Variants in WRN observed in about 807,000 individuals in gnomAD.
WRN encodes WRN RecQ like helicase.
WRN carries 149 observed loss-of-function variants against 180.7 expected under a neutral mutation model. That is an observed-to-expected ratio of 0.82 (90% CI 0.72 to 0.94). The LOEUF (loss-of-function observed/expected upper bound fraction) is 0.94. Among genes scored for constraint, WRN ranks in the 40% least tolerant of loss-of-function variants. WRN has a pLI of 0.00. For synonymous variants in WRN, 548 were observed against 568.9 expected, an observed-to-expected ratio of 0.96 and a Z score of 0.52; for missense variants, 1,661 against 1,700.1, an observed-to-expected ratio of 0.98 and a Z score of 0.40.
chr8:31,042,934 AAGTC>A (rs1366876139), intron 1 of WRN, among the ~76,000 whole-genome samples: 1 of 152,212 alleles, frequency 6.6e-6, no homozygotes, highest in Non-Finnish European at 1.5e-5. Flanking sequence ...AGTCTTCAAA[AAGTC>A]AGATCAAGAA....
intron 18 of WRN, among the ~76,000 whole-genome samples, chr8:31,101,270 A>T (rs958398570): frequency 2.0e-5 from 3 of 152,130 alleles, no homozygotes; most frequent in Non-Finnish European, 4.4e-5. Flanking sequence ...ATAAAGAGTT[A>T]CATTTTTCAC....
chr8:31,143,701 G>T, intron 28 of WRN, 78 bp downstream of exon 28: 2 of 1,052,374 alleles, frequency 1.9e-6, no homozygotes, highest in Non-Finnish European at 2.9e-6. Flanking sequence ...ACTGTCAGAT[G>T]TTGGGCTATT....
chr8:31,125,971 A>AAT (rs55952524), intron 23 of WRN, among the ~76,000 whole-genome samples: 1,850 of 145,576 alleles, frequency 0.013, 32 homozygotes, highest in East Asian at 0.062. Context: ...CATCATCCTA[A>AAT]ATATATATAT....
At chr8:31,133,130 A>G (rs1364754071) in intron 24 of WRN, among the ~76,000 whole-genome samples, 1 of 152,136 alleles carries the variant, frequency 6.6e-6, no homozygotes, top group African/African-American at 2.4e-5. Context: ...ATAAGATAGG[A>G]CCGTTGCAGT....
At chr8:31,128,103 A>G (rs956772319) in intron 23 of WRN, among the ~76,000 whole-genome samples, 1 of 152,030 alleles carries the variant, frequency 6.6e-6, no homozygotes, top group East Asian at 1.9e-4. Context: ...AACAAACTTA[A>G]AAATCCAGCA....
chr8:31,099,468 A>G (rs2130220325), intron 17 of WRN, among the ~76,000 whole-genome samples: 1 of 151,696 alleles, frequency 6.6e-6, no homozygotes, highest in South Asian at 2.1e-4. Context: ...CAGTGATAAT[A>G]TTGAATTTTT....
intron 23 of WRN, among the ~76,000 whole-genome samples, chr8:31,130,559 A>T (rs1802119168): frequency 6.6e-6 from 1 of 151,792 alleles, no homozygotes; most frequent in Non-Finnish European, 1.5e-5. Context: ...AAAGGTTTAT[A>T]ATCTTTTTGT....
intron 24 of WRN, among the ~76,000 whole-genome samples, chr8:31,133,022 CT>C (rs1388487586): frequency 6.6e-6 from 1 of 151,918 alleles, no homozygotes; most frequent in African/African-American, 2.4e-5. Context: ...TGGTTTTTGC[CT>C]TTACTAATGA....
chr8:31,147,040 T>C lies in WRN; in HGVS notation c.3384-13T>C, dbSNP rs1320376503. ...AAAAGCTTTTATTATTTATTTTCTT[T>C]TAAATATTTTAGTATCATGGTACAG... On this transcript the variant is annotated splice_polypyrimidine_tract_variant and intron_variant, in intron 28 of 34. Transcript: ENST00000298139. 1 of 1,597,544 alleles carries C rather than the reference T, an allele frequency of 6.3e-7. No individual in the cohort carries two copies. Among genetic ancestry groups the C allele is most frequent in the Non-Finnish European group, 8.5e-7 (1 of 1,169,668 alleles).
chr8:31,064,167 G>T lies in WRN; in HGVS notation c.210-122G>T, dbSNP rs1392299108. 16 of 1,049,218 alleles carry T rather than the reference G, an allele frequency of 1.5e-5. No homozygotes were observed. The East Asian group carries it at 2.1e-4, about 14-fold the overall frequency. 65.0% of individuals were successfully genotyped at this position (1,049,218 alleles called of 1,614,324 possible). On this transcript the variant is annotated intron_variant, in intron 3 of 34. Transcript: ENST00000298139. ...ATTTTCTGGCTGTTCATTGTCAGTT[G>T]TATGTGCTCCAGATAACTTGAACAG... is the stretch of plus-strand genomic sequence containing the variant.
intron 7 of WRN, among the ~76,000 whole-genome samples, chr8:31,075,669 G>A (rs1813068382): frequency 1.3e-5 from 2 of 151,486 alleles, no homozygotes; most frequent in Middle Eastern, 3.4e-3. Context: ...GCAGTGAGCC[G>A]AGATTGCGCC....
intron 16 of WRN, among the ~76,000 whole-genome samples, chr8:31,092,580 C>T (rs1050860739): frequency 6.6e-6 from 1 of 151,810 alleles, no homozygotes; most frequent in African/African-American, 2.4e-5. Context: ...CCCAAAAGAA[C>T]ACCCCTGCCC....
chr8:31,113,477 G>A (rs893923226), intron 19 of WRN, among the ~76,000 whole-genome samples: 24 of 152,168 alleles, frequency 1.6e-4, no homozygotes, highest in African/African-American at 5.8e-4. Context: ...TACTCACTGT[G>A]TTTCACTTCC....
intron 31 of WRN, among the ~76,000 whole-genome samples, chr8:31,152,211 G>T (rs1049506671): frequency 6.6e-6 from 1 of 151,920 alleles, no homozygotes; most frequent in African/African-American, 2.4e-5. Context: ...TCGTATTCTA[G>T]TCCCAGCTAC....
intron 14 of WRN, 110 bp from the exon 15 acceptor site, chr8:31,090,724 A>G: frequency 1.9e-6 from 2 of 1,072,412 alleles, no homozygotes; most frequent in Admixed American, 2.3e-5. Context: ...GCATACTAGT[A>G]TTGACCATTC....
chr8:31,064,190 CA>C (rs1812604114), intron 3 of WRN, 98 bp from the exon 4 acceptor site: 3 of 1,348,260 alleles, frequency 2.2e-6, no homozygotes, highest in Admixed American at 1.9e-5. Context: ...ATAACTTGAA[CA>C]GTCTGTGGTT....
At chr8:31,038,626 C>T (rs1334012695) in intron 1 of WRN, among the ~76,000 whole-genome samples, 3 of 152,054 alleles carry the variant, frequency 2.0e-5, no homozygotes, top group African/African-American at 7.2e-5. Context: ...ACCTAATTCC[C>T]AAATCCAATG....
chr8:31,101,838 A>G (rs1800882709), intron 18 of WRN, among the ~76,000 whole-genome samples: 1 of 151,360 alleles, frequency 6.6e-6, no homozygotes, highest in Admixed American at 6.6e-5. Context: ...AATATTCTAC[A>G]TGATTGGCAT....
intron 30 of WRN, 109 bp downstream of exon 30, chr8:31,147,585 G>A (rs984483733): frequency 1.4e-5 from 14 of 1,020,132 alleles, no homozygotes; most frequent in Admixed American, 4.0e-5. Context: ...ACATCTGGGA[G>A]GTGACTCAGA....
Sources: allele counts gnomAD v4.1 joint callset (sites outside exome capture counted in the v4.1 genomes callset), GRCh38; gene constraint gnomAD v4.1.1; transcripts MANE v1.5; gene names NCBI Gene and HGNC (gene_info 2026-07-23, HGNC 2026-07-21).